The following BMPER variants were observed in gnomAD, a reference collection of about 807,000 sequenced individuals.
The protein encoded by BMPER is BMP-binding endothelial regulator protein.
A neutral mutation model predicts 87.3 loss-of-function variants in BMPER; 45 were observed. That is an observed-to-expected ratio of 0.52 (90% CI 0.41 to 0.66). The LOEUF (loss-of-function observed/expected upper bound fraction) is 0.66, where lower values mean the gene tolerates loss of function less well. Among genes scored for constraint, BMPER ranks in the 30% least tolerant of loss-of-function variants. The pLI, the probability that BMPER is intolerant of heterozygous loss-of-function variation, is 0.00. For synonymous variants in BMPER, 326 were observed against 316.2 expected (o/e 1.03, Z -0.33); for missense variants, 784 against 867.5 (o/e 0.90, Z 1.21).
At chr7:33,952,887 TATG>T (rs1217324377) in intron 3 of BMPER, among the ~76,000 whole-genome samples, 2 of 152,372 alleles carry the variant, frequency 1.3e-5, no homozygotes, top group Non-Finnish European at 1.5e-5. Context: ...ACAAGACTAA[TATG>T]ATAATGAAGG....
chr7:34,025,819 C>T (rs73329129), intron 6 of BMPER, among the ~76,000 whole-genome samples: 3,144 of 152,030 alleles, frequency 0.021, 82 homozygotes, highest in African/African-American at 0.064. Context: ...AAAGGACAAG[C>T]GCTGGATATA....
At chr7:33,990,828 G>C (rs1467137447) in intron 6 of BMPER, among the ~76,000 whole-genome samples, 3 of 114,342 alleles carry the variant, frequency 2.6e-5, no homozygotes, top group Non-Finnish European at 5.4e-5. Flanking sequence ...AGCATGAAGG[G>C]TTGTTGAATT....
At chr7:34,037,801 T>C (rs1455847127) in intron 6 of BMPER, among the ~76,000 whole-genome samples, 1 of 152,214 alleles carries the variant, frequency 6.6e-6, no homozygotes, top group Non-Finnish European at 1.5e-5. Flanking sequence ...TTGGATTGTC[T>C]GGTTTGAATT....
rs961027993 is a variant in BMPER, at chr7:34,148,770, T to C, written c.1877-4322T>C. 2.6e-5 allele frequency among the ~76,000 whole-genome samples: 4 copies of C among 151,998 alleles called. No individual in the cohort carries two copies. In the East Asian group the frequency reaches 7.7e-4, roughly 29 times the overall value. On this transcript the variant is annotated intron_variant, in intron 14 of 14. Transcript: ENST00000649409. ...GAGAGGTCAGAGAGAGGAAAAAACA[T>C]GGGAGACTTCATAGCTATAGAATAG...
In BMPER at chr7:34,044,871, G is replaced by C. The variant is rs186740216; in HGVS notation, c.577-1435G>C. On this transcript the variant is annotated intron_variant, in intron 6 of 14. Coordinates refer to ENST00000649409, the MANE Select transcript of BMPER (RefSeq NM_001365308.1). The stretch of plus-strand genomic sequence containing the variant: ...AAAATAAACTGTTATAATAAAAATG[G>C]CGAGAACAGGAAGGGAAAACAGAAA... Among the ~76,000 whole-genome samples the C allele has an allele frequency of 8.9e-4, 135 of 152,236 alleles. 2 individuals are homozygous for C. The East Asian group carries it at 0.024, about 27-fold the overall frequency.
At chr7:34,054,327 G>A (rs1473137022) in intron 8 of BMPER, among the ~76,000 whole-genome samples, 2 of 151,992 alleles carry the variant, frequency 1.3e-5, no homozygotes, top group Admixed American at 1.3e-4. Context: ...GGAGATCTAC[G>A]GTGAAATATG....
At chr7:33,907,432 G>A (rs561588558) in intron 2 of BMPER, among the ~76,000 whole-genome samples, 15 of 152,216 alleles carry the variant, frequency 9.9e-5, no homozygotes, top group Non-Finnish European at 1.5e-4. Context: ...CTCAAATACT[G>A]TCTTTATTTC....
In BMPER at chr7:34,007,432, AT is replaced by A. The variant is rs1281690448; in HGVS notation, c.576+32651del. On this transcript the variant is annotated intron_variant, in intron 6 of 14. Transcript: ENST00000649409. ...TCACCAGTATTGCTTAGTCTCTTAA[AT>A]TTCTCTGGAGGTAATCACAATTGAC... 7.9e-5 allele frequency among the ~76,000 whole-genome samples: 12 copies of A among 152,136 alleles called. No individual in the cohort carries two copies. The East Asian group carries it at 2.1e-3, about 27-fold the overall frequency.
chr7:34,117,190 C>T (rs1335999222), intron 13 of BMPER, among the ~76,000 whole-genome samples: 1 of 152,092 alleles, frequency 6.6e-6, no homozygotes, highest in Non-Finnish European at 1.5e-5. Flanking sequence ...ATTTATAATA[C>T]AAAATGTTGG....
At chr7:34,031,962 ATATATATAAATATATCT>A (rs1327341892) in intron 6 of BMPER, among the ~76,000 whole-genome samples, 15 of 134,516 alleles carry the variant, frequency 1.1e-4, no homozygotes, top group Non-Finnish European at 1.7e-4. Flanking sequence ...ACACACACAC[ATATATATAAATATATCT>A]TATATATAAA....
intron 6 of BMPER, among the ~76,000 whole-genome samples, chr7:33,996,268 T>C (rs1786409884): frequency 6.6e-6 from 1 of 152,152 alleles, no homozygotes; most frequent in African/African-American, 2.4e-5. Flanking sequence ...GAGGATTTCA[T>C]GGAATAATAC....
chr7:33,960,950 G>A (rs911902470), intron 3 of BMPER, among the ~76,000 whole-genome samples: 1 of 152,200 alleles, frequency 6.6e-6, no homozygotes, highest in Non-Finnish European at 1.5e-5. Flanking sequence ...GAGTGGGGAA[G>A]TTTCATAGAA....
At position 33,967,358 on chromosome 7, in the gene BMPER, G is replaced by A. The variant is rs994762442; in HGVS notation, c.402+797G>A. ...CCAAGGATATGCTTTTGCATTTAAAGGAAATTGAAAGGTTAGTATAATAAT... is the reference window on the plus strand; with the variant it reads ...CCAAGGATATGCTTTTGCATTTAAAAGAAATTGAAAGGTTAGTATAATAAT... On this transcript the variant is annotated intron_variant, in intron 4 of 14. Coordinates refer to ENST00000649409, the MANE Select transcript of BMPER (RefSeq NM_001365308.1). 4.0e-4 allele frequency among the ~76,000 whole-genome samples: 61 copies of A among 152,244 alleles called. 3 individuals are homozygous for A. The highest frequency in any genetic ancestry group is 3.9e-3 in the Admixed American group (60 of 15,282).
At chr7:34,048,396 G>A (rs1029862325) in intron 7 of BMPER, among the ~76,000 whole-genome samples, 3 of 152,054 alleles carry the variant, frequency 2.0e-5, no homozygotes, top group Admixed American at 6.6e-5. Context: ...TGAAACAGAA[G>A]AACAAAGCAG....
chr7:33,971,941 C>T (rs192005300), intron 5 of BMPER, among the ~76,000 whole-genome samples: 50 of 152,278 alleles, frequency 3.3e-4, no homozygotes, highest in African/African-American at 1.0e-3. Context: ...CTCACTCTGT[C>T]GCCCCGGCTG....
Position 34,056,616 on chromosome 7 carries a change from CTTTT to C in BMPER, c.927+1330_927+1333del, listed in dbSNP as rs34663962. 1.1e-4 allele frequency among the ~76,000 whole-genome samples: 14 copies of C among 131,146 alleles called. 1 individual carries two copies. The highest frequency in any genetic ancestry group is 1.3e-4 in the Non-Finnish European group (8 of 60,906). 86.0% of individuals were successfully genotyped at this position (131,146 alleles called of 152,430 possible). On this transcript the variant is annotated intron_variant, in intron 9 of 14. Coordinates refer to ENST00000649409, the MANE Select transcript of BMPER (RefSeq NM_001365308.1). The stretch of plus-strand genomic sequence containing the variant: ...TCACCATGGTGCTGTGTGCAATGCA[CTTTT>C]TTTTTTTTTTTTTTTTAGATGGAGT...
At chr7:33,968,327 G>A (rs1467118918) in intron 4 of BMPER, among the ~76,000 whole-genome samples, 1 of 152,184 alleles carries the variant, frequency 6.6e-6, no homozygotes, top group Non-Finnish European at 1.5e-5. Flanking sequence ...TTGCTCAGCT[G>A]GGACCTTCCC....
rs1326952427 is a variant in BMPER, at chr7:33,908,193, T to C, written c.219+1290T>C. Among the ~76,000 whole-genome samples the C allele has an allele frequency of 2.0e-5, 3 of 151,714 alleles. No individual in the cohort carries two copies. In the South Asian group the frequency reaches 6.2e-4, roughly 31 times the overall value. On this transcript the variant is annotated intron_variant, in intron 2 of 14. Transcript: ENST00000649409. ...CTCAGTTGTAGATTTACAAATGCAG[T>C]GTGTGTGTATGTGTGTTTAATCTTC...
chr7:34,037,314 G>C (rs1427473), intron 6 of BMPER, among the ~76,000 whole-genome samples: 134,684 of 152,136 alleles, frequency 0.89, 59,887 homozygotes, highest in African/African-American at 0.96. Flanking sequence ...TGGCTCTGCC[G>C]CTGTATGCAG....
Sources: allele counts gnomAD v4.1 joint callset (sites outside exome capture counted in the v4.1 genomes callset), GRCh38; gene constraint gnomAD v4.1.1; transcripts MANE v1.5; gene names NCBI Gene and HGNC (gene_info 2026-07-23, HGNC 2026-07-21).